The following GALNT10 variants were observed in gnomAD, a reference collection of about 807,000 sequenced individuals.
GALNT10 encodes polypeptide N-acetylgalactosaminyltransferase 10.
In GALNT10, 41 loss-of-function variants were observed where a neutral mutation model predicts 75.0. The ratio of observed to expected loss-of-function variants is 0.55; its 90% CI spans 0.43 to 0.71. The LOEUF (loss-of-function observed/expected upper bound fraction) is 0.71, where lower values mean the gene tolerates loss of function less well. GALNT10 is among the 30% of genes least tolerant of loss of function. The pLI, the probability that GALNT10 is intolerant of heterozygous loss-of-function variation, is 0.00. For missense variants in GALNT10, 727 were observed against 818.5 expected (o/e 0.89, Z 1.36); for synonymous variants, 302 against 313.0 (o/e 0.96, Z 0.37).
chr5:154,417,306 G>C lies in GALNT10; in HGVS notation c.*334G>C, dbSNP rs1195977870. On this transcript the variant is annotated 3_prime_UTR_variant, in exon 12 of 12. Coordinates refer to ENST00000297107, the MANE Select transcript of GALNT10 (RefSeq NM_198321.4). ...TGTGGGAGAACACCAAGGTAGCCTA[G>C]GCCACCCAAAAGTGAGTCCTGCGAG... is the stretch of plus-strand genomic sequence containing the variant. 4.4e-6 allele frequency: 1 copy of C among 224,994 alleles called. No homozygotes were observed. The highest frequency in any genetic ancestry group is 8.8e-6 in the Non-Finnish European group (1 of 114,188). 13.9% of individuals were successfully genotyped at this position (224,994 alleles called of 1,614,324 possible).
intron 1 of GALNT10, among the ~76,000 whole-genome samples, chr5:154,288,778 T>C (rs1754149388): frequency 6.6e-6 from 1 of 152,200 alleles, no homozygotes; most frequent in Non-Finnish European, 1.5e-5. Context: ...GATTGAAAAA[T>C]CCAGACGTGA....
At chr5:154,393,066 A>AAAAAC (rs746979740) in intron 7 of GALNT10, 1 of 133,956 alleles carries the variant, frequency 7.5e-6, no homozygotes, top group Non-Finnish European at 1.6e-5. Flanking sequence ...ACAAAAAAAA[A>AAAAAC]AAAAAAAAAA....
chr5:154,334,800 G>A (rs1754917561), intron 4 of GALNT10, among the ~76,000 whole-genome samples: 2 of 152,232 alleles, frequency 1.3e-5, no homozygotes, highest in Non-Finnish European at 2.9e-5. Flanking sequence ...AGTTGTTGCA[G>A]TGATTGGTGC....
intron 1 of GALNT10, among the ~76,000 whole-genome samples, chr5:154,255,388 A>G (rs1002193694): frequency 6.6e-6 from 1 of 152,156 alleles, no homozygotes; most frequent in Admixed American, 6.5e-5. Context: ...AATGAGAAAG[A>G]GTGTCGTGAT....
At chr5:154,293,613 A>ATATATTTTTTTTTTT in intron 1 of GALNT10, among the ~76,000 whole-genome samples, 12 of 109,414 alleles carry the variant, frequency 1.1e-4, no homozygotes, top group African/African-American at 5.1e-4. Context: ...ATATATATAT[A>ATATATTTTTTTTTTT]TTTTTTTTTT....
intron 5 of GALNT10, among the ~76,000 whole-genome samples, chr5:154,378,110 A>G (rs1015705449): frequency 6.6e-6 from 1 of 152,216 alleles, no homozygotes; most frequent in South Asian, 2.1e-4. Flanking sequence ...GCTTCTTCCA[A>G]TAGAAATGTG....
At chr5:154,354,767 C>T (rs746531967) in intron 4 of GALNT10, among the ~76,000 whole-genome samples, 2 of 152,154 alleles carry the variant, frequency 1.3e-5, no homozygotes, top group African/African-American at 2.4e-5. Context: ...TCATGACACT[C>T]ACACATCTGC....
chr5:154,288,589 C>A (rs998372031), intron 1 of GALNT10, among the ~76,000 whole-genome samples: 1 of 114,384 alleles, frequency 8.7e-6, no homozygotes, highest in Non-Finnish European at 1.9e-5. Context: ...CTCCTCCACA[C>A]ACTCTCCCTC....
intron 4 of GALNT10, among the ~76,000 whole-genome samples, chr5:154,369,919 G>A (rs1017412022): frequency 3.3e-5 from 5 of 152,172 alleles, no homozygotes; most frequent in Admixed American, 2.6e-4. Context: ...GATGCTCTGC[G>A]TCCTGCCAGA....
chr5:154,354,827 C>T (rs1169253323), intron 4 of GALNT10, among the ~76,000 whole-genome samples: 2 of 152,192 alleles, frequency 1.3e-5, no homozygotes, highest in Non-Finnish European at 1.5e-5. Context: ...CATTGTAGCT[C>T]TTATAGCCCC....
intron 1 of GALNT10, among the ~76,000 whole-genome samples, chr5:154,213,228 A>G (rs1207417042): frequency 1.3e-5 from 2 of 152,206 alleles, no homozygotes; most frequent in East Asian, 3.9e-4. Context: ...GGTTTGTTAT[A>G]AAGAGTTGAG....
chr5:154,205,408 G>A (rs2113644868), intron 1 of GALNT10, among the ~76,000 whole-genome samples: 1 of 152,244 alleles, frequency 6.6e-6, no homozygotes, highest in Admixed American at 6.5e-5. Context: ...AAATATAAGG[G>A]TGGACCCCTG....
At chr5:154,210,803 T>G (rs1775185153) in intron 1 of GALNT10, among the ~76,000 whole-genome samples, 1 of 152,236 alleles carries the variant, frequency 6.6e-6, no homozygotes, top group Admixed American at 6.5e-5. Context: ...GAATATGAAC[T>G]GTAGATTAGA....
chr5:154,401,008 G>T (rs1756149981), intron 7 of GALNT10, among the ~76,000 whole-genome samples: 1 of 152,134 alleles, frequency 6.6e-6, no homozygotes, highest in Non-Finnish European at 1.5e-5. Flanking sequence ...TCCTGTGCTG[G>T]GCAGGGAAGC....
intron 3 of GALNT10, among the ~76,000 whole-genome samples, chr5:154,306,397 T>C (rs911797984): frequency 6.6e-6 from 1 of 152,140 alleles, no homozygotes; most frequent in Non-Finnish European, 1.5e-5. Context: ...TCCAAACGAT[T>C]AGAAAGTATA....
At chr5:154,209,532 A>T (rs762375417) in intron 1 of GALNT10, among the ~76,000 whole-genome samples, 1 of 152,186 alleles carries the variant, frequency 6.6e-6, no homozygotes. Flanking sequence ...GAAATCGAAG[A>T]TCAGGGTGCC....
intron 1 of GALNT10, among the ~76,000 whole-genome samples, chr5:154,283,752 G>C (rs1754075660): frequency 6.6e-6 from 1 of 152,154 alleles, no homozygotes; most frequent in Non-Finnish European, 1.5e-5. Context: ...TCCCCCTCTT[G>C]GGGGACCTTT....
chr5:154,255,059 T>A (rs762497607), intron 1 of GALNT10, among the ~76,000 whole-genome samples: 3 of 152,068 alleles, frequency 2.0e-5, no homozygotes, highest in African/African-American at 4.8e-5. Context: ...GCTCAAGCAG[T>A]CTTCCTACCT....
chr5:154,252,709 T>G (rs1326357938), intron 1 of GALNT10, among the ~76,000 whole-genome samples: 2 of 152,050 alleles, frequency 1.3e-5, no homozygotes, highest in African/African-American at 4.8e-5. Context: ...CCTGGGCTCT[T>G]TCAGTTTGTG....
Sources: gnomAD v4.1 joint callset for allele counts (sites outside exome capture counted in the v4.1 genomes callset) on GRCh38, gnomAD v4.1.1 for gene constraint, MANE v1.5 for transcripts, NCBI Gene and HGNC (gene_info 2026-07-23, HGNC 2026-07-21) for gene names.